Variants in CPA6 observed in about 807,000 individuals in gnomAD.
The protein encoded by CPA6 is carboxypeptidase B.
In CPA6, 58 loss-of-function variants were observed where a neutral mutation model predicts 63.3. That is an observed-to-expected ratio of 0.92 (90% CI 0.74 to 1.14). CPA6 has a LOEUF of 1.14. CPA6 is among the 50% of genes most tolerant of loss of function. The pLI, the probability that CPA6 is intolerant of heterozygous loss-of-function variation, is 0.00. For synonymous variants in CPA6, 185 were observed against 179.0 expected (o/e 1.03, Z -0.27); for missense variants, 565 against 526.6 (o/e 1.07, Z -0.71).
At chr8:67,517,850 A>G in intron 3 of CPA6, 73 bp downstream of exon 3, 1 of 1,416,520 alleles carries the variant, frequency 7.1e-7, no homozygotes. Flanking sequence ...CTTGATAAAT[A>G]ACCTAAATAC....
At chr8:67,672,393 G>A (rs1816368019) in intron 1 of CPA6, among the ~76,000 whole-genome samples, 1 of 151,984 alleles carries the variant, frequency 6.6e-6, no homozygotes, top group Non-Finnish European at 1.5e-5. Context: ...TGCAACCCAA[G>A]TCAGTTCCTC....
At chr8:67,433,995 G>A (rs1159659888) in intron 9 of CPA6, 43 bp downstream of exon 9, 1 of 1,387,978 alleles carries the variant, frequency 7.2e-7, no homozygotes, top group Admixed American at 1.7e-5. Context: ...CTTCAGAAAA[G>A]CAGCATGAAG....
intron 2 of CPA6, among the ~76,000 whole-genome samples, chr8:67,524,673 G>A (rs767522656): frequency 2.0e-5 from 3 of 150,778 alleles, no homozygotes; most frequent in Non-Finnish European, 2.9e-5. Flanking sequence ...GTTAGGACTC[G>A]GACATACCTT....
chr8:67,593,776 T>C (rs1222145401), intron 2 of CPA6, among the ~76,000 whole-genome samples: 10 of 148,554 alleles, frequency 6.7e-5, no homozygotes, highest in Non-Finnish European at 1.5e-4. Flanking sequence ...AGCCTATGTG[T>C]GTCTGCACGT....
chr8:67,441,328 A>C (rs187774658), intron 8 of CPA6, among the ~76,000 whole-genome samples: 3 of 152,352 alleles, frequency 2.0e-5, no homozygotes, highest in African/African-American at 7.2e-5. Flanking sequence ...CTCTACTAAA[A>C]GATCTATAAT....
At chr8:67,615,655 G>T (rs900114) in intron 2 of CPA6, among the ~76,000 whole-genome samples, 65,502 of 152,024 alleles carry the variant, frequency 0.43, 14,785 homozygotes, top group East Asian at 0.75. Context: ...ACTAGTCCTT[G>T]CTCTTCCATC....
In CPA6 at chr8:67,563,010, C is replaced by A. The variant is rs571608532; in HGVS notation, c.193-44963G>T. ...TGTCTCCCCCAAAGGATCGTAAGCT[C>A]TTCCAGGGCAGATGATGGGTCTCCA... is the stretch of plus-strand genomic sequence containing the variant. On this transcript the variant is annotated intron_variant, in intron 2 of 10. Coordinates refer to ENST00000297770, the MANE Select transcript of CPA6 (RefSeq NM_020361.5). Among the ~76,000 whole-genome samples the A allele has an allele frequency of 2.6e-5, 4 of 152,062 alleles. No homozygotes were observed. The South Asian group carries it at 8.3e-4, about 32-fold the overall frequency.
chr8:67,462,524 A>G (rs1328955723), intron 8 of CPA6, among the ~76,000 whole-genome samples: 1 of 152,246 alleles, frequency 6.6e-6, no homozygotes, highest in Non-Finnish European at 1.5e-5. Context: ...AGTAGGATAT[A>G]TTCCTAAAAG....
At chr8:67,541,319 C>T (rs760800716) in intron 2 of CPA6, among the ~76,000 whole-genome samples, 1 of 152,128 alleles carries the variant, frequency 6.6e-6, no homozygotes, top group Non-Finnish European at 1.5e-5. Context: ...TGCCTAATTT[C>T]TGCCTCCAAA....
chr8:67,662,910 A>C (rs1228029193), intron 1 of CPA6, among the ~76,000 whole-genome samples: 2 of 152,260 alleles, frequency 1.3e-5, no homozygotes, highest in South Asian at 2.1e-4. Context: ...GCTGAATCAC[A>C]CTGAGGTGAG....
At chr8:67,484,597 C>T in intron 7 of CPA6, 82 bp downstream of exon 7, 1 of 697,082 alleles carries the variant, frequency 1.4e-6, no homozygotes, top group South Asian at 2.1e-5. Context: ...TGTCCAGCTT[C>T]TTTCCTGTCC....
chr8:67,622,234 G>T (rs1428891817), intron 2 of CPA6, among the ~76,000 whole-genome samples: 1 of 152,178 alleles, frequency 6.6e-6, no homozygotes, highest in Non-Finnish European at 1.5e-5. Flanking sequence ...TTTTCTGGTG[G>T]TATATGAAAA....
At chr8:67,621,339 G>C (rs980228477) in intron 2 of CPA6, among the ~76,000 whole-genome samples, 1 of 152,146 alleles carries the variant, frequency 6.6e-6, no homozygotes, top group Non-Finnish European at 1.5e-5. Flanking sequence ...TTGAATGGGG[G>C]CATGGTCTTG....
intron 1 of CPA6, among the ~76,000 whole-genome samples, chr8:67,678,997 G>C (rs943576855): frequency 6.6e-6 from 1 of 152,122 alleles, no homozygotes; most frequent in Non-Finnish European, 1.5e-5. Context: ...TAACAATTCC[G>C]ACAGAGGTAA....
At chr8:67,698,061 C>A (rs1468463609) in intron 1 of CPA6, among the ~76,000 whole-genome samples, 8 of 151,970 alleles carry the variant, frequency 5.3e-5, no homozygotes, top group South Asian at 2.1e-4. Flanking sequence ...TCACTCAATG[C>A]GAAATCTTAC....
intron 2 of CPA6, among the ~76,000 whole-genome samples, chr8:67,565,573 G>A (rs1813318191): frequency 6.6e-6 from 1 of 152,140 alleles, no homozygotes; most frequent in Non-Finnish European, 1.5e-5. Flanking sequence ...GGCAATGGAC[G>A]TGCAGCCAAA....
intron 2 of CPA6, among the ~76,000 whole-genome samples, chr8:67,623,170 A>C (rs1016221050): frequency 1.2e-4 from 19 of 152,216 alleles, no homozygotes; most frequent in Admixed American, 1.1e-3. Context: ...AATTAAGAGG[A>C]AAGTGCCTAG....
chr8:67,422,520 A>C lies in CPA6; in HGVS notation c.1298T>G (p.Leu433Arg), dbSNP rs1016170417. 4 of 1,613,992 alleles carry C rather than the reference A, an allele frequency of 2.5e-6. No homozygotes were observed. The highest frequency in any genetic ancestry group is 2.5e-6 in the Non-Finnish European group (3 of 1,179,910). ...LAVKNITMHL[L>R]KKCP ...TGGGCTGTCTCAGGGACATTTCTTT[A>C]GCAGGTGCATTGTGATATTTTTCAC... Residue 433 changes from leucine to arginine, a missense_variant, in exon 11 of 11, where the codon CTA becomes CGA. By Grantham distance (102) the Leu-to-Arg change is moderately radical. Transcript: ENST00000297770.
At chr8:67,733,023 C>G (rs915505301) in intron 1 of CPA6, among the ~76,000 whole-genome samples, 6 of 151,446 alleles carry the variant, frequency 4.0e-5, no homozygotes, top group Admixed American at 6.6e-5. Context: ...GGTGAAACCC[C>G]GTCTCTACTA....
Sources: gnomAD v4.1 joint callset for allele counts (sites outside exome capture counted in the v4.1 genomes callset) on GRCh38, gnomAD v4.1.1 for gene constraint, MANE v1.5 for transcripts, NCBI Gene and HGNC (gene_info 2026-07-23, HGNC 2026-07-21) for gene names.